MEFV: variants seen among roughly 807,000 people sequenced by gnomAD.
MEFV encodes the protein MEFV innate immunity regulator, pyrin.
A neutral mutation model predicts 62.5 loss-of-function variants in MEFV; 60 were observed. The ratio of observed to expected loss-of-function variants is 0.96; its 90% CI spans 0.78 to 1.19. The LOEUF (loss-of-function observed/expected upper bound fraction) is 1.19, where lower values mean the gene tolerates loss of function less well. Ranked by LOEUF, MEFV falls within the 50% of genes most tolerant of loss-of-function variation. MEFV has a pLI of 0.00. For missense variants in MEFV, 1,169 were observed against 1,004.5 expected (o/e 1.16, Z -2.21); for synonymous variants, 500 against 415.2 (o/e 1.20, Z -2.48).
At chr16:3,250,445 C>T (rs1451200721) in intron 2 of MEFV, among the ~76,000 whole-genome samples, 1 of 151,796 alleles carries the variant, frequency 6.6e-6, no homozygotes, top group Non-Finnish European at 1.5e-5. Context: ...CCCACCTCTA[C>T]AAAAAATTAA....
intron 4 of MEFV, chr16:3,248,433 T>C (rs1261258760): frequency 5.0e-6 from 1 of 201,924 alleles, no homozygotes; most frequent in South Asian, 7.3e-5. Context: ...CTACTAAAAC[T>C]ACAAAAATTA....
In MEFV at chr16:3,249,661, C is replaced by A. The variant is rs1567234760; in HGVS notation, c.1030G>T (p.Ala344Ser). 5.6e-6 allele frequency: 9 copies of A among 1,613,124 alleles called. No individual in the cohort carries two copies. The highest frequency in any genetic ancestry group is 7.6e-6 in the Non-Finnish European group (9 of 1,179,352). Reference sequence around the variant, plus strand: ...CAGCCAGGTGAGCGGCTGCCTGAGGCCTGGGGGTGCCCAGAAACTGCCTCG... The same window carrying A: ...CAGCCAGGTGAGCGGCTGCCTGAGGACTGGGGGTGCCCAGAAACTGCCTCG... Reference protein sequence around the residue: ...FPEAVSGHPQASGSRSPGCPR... With the variant: ...FPEAVSGHPQSSGSRSPGCPR... Residue 344 changes from alanine (A) to serine (S), a missense_variant, in exon 3 of 10, where the codon GCC becomes TCC. By Grantham distance (99) the Ala-to-Ser change is moderately conservative (BLOSUM62 1). Transcript: ENST00000219596.
At chr16:3,252,933 G>A (rs565301066) in intron 2 of MEFV, among the ~76,000 whole-genome samples, 138 of 117,136 alleles carry the variant, frequency 1.2e-3, no homozygotes, top group African/African-American at 4.2e-3. Context: ...ATGGGAGACA[G>A]ACTGAGACTC....
chr16:3,255,900 G>A (rs1311100432), intron 1 of MEFV, among the ~76,000 whole-genome samples: 1 of 151,898 alleles, frequency 6.6e-6, no homozygotes, highest in Non-Finnish European at 1.5e-5. Flanking sequence ...TCAGGAGTTC[G>A]AGACCAGCCT....
chr16:3,250,797 G>A (rs911141903), intron 2 of MEFV, among the ~76,000 whole-genome samples: 1 of 151,254 alleles, frequency 6.6e-6, no homozygotes, highest in East Asian at 1.9e-4. Context: ...AGGCCGAGGC[G>A]GGTGGGTCAT....
chr16:3,249,881 C>A, intron 2 of MEFV, 101 bp from the exon 3 acceptor site: 2 of 982,000 alleles, frequency 2.0e-6, no homozygotes, highest in Non-Finnish European at 3.2e-6. Context: ...CTGAGATGTG[C>A]GAGTTCTCAG....
At chr16:3,245,477 C>CA (rs1174220879) in intron 6 of MEFV, among the ~76,000 whole-genome samples, 1 of 151,456 alleles carries the variant, frequency 6.6e-6, no homozygotes, top group African/African-American at 2.4e-5. Flanking sequence ...CCCTGTCTAC[C>CA]AAAAAAATTA....
intron 2 of MEFV, among the ~76,000 whole-genome samples, chr16:3,253,875 T>C (rs2141676347): frequency 6.6e-6 from 1 of 152,274 alleles, no homozygotes; most frequent in Non-Finnish European, 1.5e-5. Flanking sequence ...AGTATGGAAC[T>C]CCTGGGGTCA....
chr16:3,253,073 T>G (rs2141675548), intron 2 of MEFV, among the ~76,000 whole-genome samples: 1 of 151,814 alleles, frequency 6.6e-6, no homozygotes, highest in African/African-American at 2.4e-5. Flanking sequence ...CTTTTACAGT[T>G]TTTTTTTAGT....
rs1267193160 is a variant in MEFV, at chr16:3,242,693, A to G, written c.*448T>C. On this transcript the variant is annotated 3_prime_UTR_variant, in exon 10 of 10. Coordinates refer to ENST00000219596, the MANE Select transcript of MEFV (RefSeq NM_000243.3). ...GTCTCAAAAAAAAAAAAAAAAAATC[A>G]TAGTTCATTAATCCAGGTACACAAA... 1 of 211,746 alleles carries G rather than the reference A, an allele frequency of 4.7e-6. No homozygotes were observed. The highest frequency in any genetic ancestry group is 9.8e-6 in the Non-Finnish European group (1 of 102,110). 13.1% of individuals were successfully genotyped at this position (211,746 alleles called of 1,614,324 possible).
At position 3,254,722 on chromosome 16, in the gene MEFV, T is replaced by C. The variant is rs1210496765; in HGVS notation, c.346A>G (p.Arg116Gly). 2 of 1,612,884 alleles carry C rather than the reference T, an allele frequency of 1.2e-6. No homozygotes were observed. Among genetic ancestry groups the C allele is most frequent in the Admixed American group, 1.7e-5 (1 of 60,028 alleles). ...ASSSLGENKPRSLKTPDHPEG... is the reference protein window; with the variant it reads ...ASSSLGENKPGSLKTPDHPEG... ...GGGTGGTCTGGAGTCTTCAGGCTCC[T>C]GGGCTTGTTCTCCCCCAGGGAGCTG... Residue 116 changes from arginine (R) to glycine (G), a missense_variant, in exon 2 of 10, where the codon AGG becomes GGG. Physicochemically the swap from Arg to Gly is moderately radical, Grantham distance 125. Coordinates refer to ENST00000219596, the MANE Select transcript of MEFV (RefSeq NM_000243.3).
Position 3,254,735 on chromosome 16 carries a change from C to T in MEFV, c.333G>A (p.Gly111=), listed in dbSNP as rs61732425. Residue 111 remains glycine (G), a synonymous_variant, in exon 2 of 10, where the codon GGG becomes GGA. Transcript: ENST00000219596. The part of the protein sequence containing the change: ...TDDSAASSSL[G]ENKPRSLKTP... ...TCTTCAGGCTCCTGGGCTTGTTCTC[C>T]CCCAGGGAGCTGGACGCTGCGGAAT... The T allele has an allele frequency of 5.9e-4, 956 of 1,612,880 alleles. 5 individuals are homozygous for T. In the African/African-American group the frequency reaches 0.011, roughly 18 times the overall value.
chr16:3,243,698 C>T lies in MEFV; in HGVS notation c.1793-4G>A. On this transcript the variant is annotated splice_region_variant and splice_polypyrimidine_tract_variant and intron_variant, in intron 9 of 9. Transcript: ENST00000219596. ...TCTGCATCCAGAATCACATTAACTGCAAAGAAAATTTGAATACCTAGGTAG... is the reference window on the plus strand; with the variant it reads ...TCTGCATCCAGAATCACATTAACTGTAAAGAAAATTTGAATACCTAGGTAG... The T allele has an allele frequency of 6.2e-7, 1 of 1,610,622 alleles. No individual in the cohort carries two copies. The highest frequency in any genetic ancestry group is 1.1e-5 in the South Asian group (1 of 90,722).
intron 1 of MEFV, among the ~76,000 whole-genome samples, chr16:3,255,011 G>A (rs890663494): frequency 1.3e-4 from 20 of 152,150 alleles, no homozygotes; most frequent in African/African-American, 3.4e-4. Flanking sequence ...GTGAAACCCC[G>A]TCTCTACTAA....
chr16:3,253,409 C>T (rs1210345029), intron 2 of MEFV, among the ~76,000 whole-genome samples: 1 of 152,166 alleles, frequency 6.6e-6, no homozygotes, highest in Non-Finnish European at 1.5e-5. Context: ...CCTCCCATCC[C>T]TGGCAAGCAG....
intron 4 of MEFV, 165 bp downstream of exon 4, chr16:3,248,744 C>A (rs1407602367): frequency 1.0e-6 from 1 of 985,276 alleles, no homozygotes; most frequent in Non-Finnish European, 1.2e-6. Context: ...TGGTCTCCCT[C>A]TACAGGGATG....
chr16:3,252,161 T>C (rs1434453374), intron 2 of MEFV: 3 of 183,350 alleles, frequency 1.6e-5, no homozygotes, highest in Non-Finnish European at 3.6e-5. Context: ...GTTTTCCAGA[T>C]CCCAGGGTCC....
rs775861390 is a variant in MEFV, at chr16:3,256,574, G to C, written c.14C>G (p.Pro5Arg). Residue 5 changes from proline (P) to arginine (R), a missense_variant, in exon 1 of 10, where the codon CCT (proline) becomes CGT (arginine). By Grantham distance (103) the Pro-to-Arg change is moderately radical. Coordinates refer to ENST00000219596, the MANE Select transcript of MEFV (RefSeq NM_000243.3). MAKT[P>R]SDHLLSTLEE... ...CAGGGTGGACAGCAGATGGTCACTA[G>C]GGGTCTTAGCCATGGTGCTGAGCAG... 6 of 1,614,208 alleles carry C rather than the reference G, an allele frequency of 3.7e-6. No homozygotes were observed. In the South Asian group the frequency reaches 6.6e-5, roughly 18 times the overall value.
chr16:3,244,188 A>G, intron 8 of MEFV, 66 bp downstream of exon 8: 1 of 1,611,724 alleles, frequency 6.2e-7, no homozygotes, highest in Non-Finnish European at 8.5e-7. Context: ...GGGCCCCTCA[A>G]GTCAACAGCA....
Sources: gnomAD v4.1 joint callset for allele counts (sites outside exome capture counted in the v4.1 genomes callset) on GRCh38, gnomAD v4.1.1 for gene constraint, MANE v1.5 for transcripts, NCBI Gene and HGNC (gene_info 2026-07-23, HGNC 2026-07-21) for gene names.